Variants in MYCBP2 observed in about 807,000 individuals in gnomAD.
MYCBP2 encodes the protein MYC binding protein 2.
In MYCBP2, 120 loss-of-function variants were observed where a neutral mutation model predicts 525.3. The ratio of observed to expected loss-of-function variants is 0.23; its 90% CI spans 0.20 to 0.27. The LOEUF (loss-of-function observed/expected upper bound fraction) is 0.27, where lower values mean the gene tolerates loss of function less well. Among genes scored for constraint, MYCBP2 ranks in the 10% least tolerant of loss-of-function variants. The probability of loss-of-function intolerance (pLI) is 1.00; values close to 1 mark genes in which losing one functional copy is unlikely to be tolerated. For synonymous variants in MYCBP2, 1,894 were observed against 1,955.8 expected (o/e 0.97, Z 0.83); for missense variants, 4,149 against 5,657.1 (o/e 0.73, Z 8.55).
intron 39 of MYCBP2, among the ~76,000 whole-genome samples, chr13:77,169,294 G>C (rs1020168561): frequency 3.3e-5 from 5 of 151,778 alleles, no homozygotes; most frequent in African/African-American, 1.2e-4. Context: ...AACTCGGGAG[G>C]CTGAGGCAGG....
At chr13:77,139,978 T>C in intron 51 of MYCBP2, 69 bp downstream of exon 51, 1 of 1,006,306 alleles carries the variant, frequency 9.9e-7, no homozygotes, top group Non-Finnish European at 1.5e-6. Context: ...TCAGTAACCT[T>C]ATTATTATGC....
At chr13:77,178,326 A>G (rs1045958850) in intron 34 of MYCBP2, among the ~76,000 whole-genome samples, 1 of 152,232 alleles carries the variant, frequency 6.6e-6, no homozygotes, top group Non-Finnish European at 1.5e-5. Context: ...ACTATGCAAC[A>G]CAGAGCTCTA....
At chr13:77,093,037 A>T in intron 59 of MYCBP2, 128 bp downstream of exon 59, 1 of 840,040 alleles carries the variant, frequency 1.2e-6, no homozygotes, top group Non-Finnish European at 1.8e-6. Flanking sequence ...GCTTTTTCTT[A>T]CTGCTCCAGC....
intron 79 of MYCBP2, 93 bp downstream of exon 79, chr13:77,056,893 A>T: frequency 1.0e-6 from 1 of 960,060 alleles, no homozygotes. Context: ...GCTGGTGGGT[A>T]AAACCAAGAG....
intron 3 of MYCBP2, among the ~76,000 whole-genome samples, chr13:77,280,634 T>C (rs2076093757): frequency 6.6e-6 from 1 of 152,232 alleles, no homozygotes; most frequent in Admixed American, 6.5e-5. Flanking sequence ...AACGGAATTA[T>C]TGAACCTTGC....
rs1220914616 is a variant in MYCBP2 at position 77,263,811 on chromosome 13, C to T, written c.1432-22G>A. On this transcript the variant is annotated intron_variant, in intron 9 of 82. Transcript: ENST00000544440. ...CATCCTAAGAAAAATAAAACATCCA[C>T]AGCATTACATTACATAAAGAGGTCG... The T allele has an allele frequency of 3.7e-6, 6 of 1,612,538 alleles. No homozygotes were observed. The Admixed American group carries it at 6.7e-5, about 18-fold the overall frequency.
At chr13:77,050,666 A>T (rs2036601978) in intron 82 of MYCBP2, among the ~76,000 whole-genome samples, 1 of 151,690 alleles carries the variant, frequency 6.6e-6, no homozygotes, top group South Asian at 2.1e-4. Context: ...AAAAAAAAAA[A>T]TCACAGAATC....
chr13:77,315,796 G>C (rs1594870047), intron 1 of MYCBP2, among the ~76,000 whole-genome samples: 1 of 151,330 alleles, frequency 6.6e-6, no homozygotes, highest in East Asian at 1.9e-4. Flanking sequence ...TCAGGAAGCT[G>C]AGGCAGGAGA....
rs765534295 is a variant in MYCBP2 at position 77,270,320 on chromosome 13, G to A, written c.1164C>T (p.Gly388=). The A allele has an allele frequency of 1.9e-6, 3 of 1,612,952 alleles. No individual in the cohort carries two copies. The highest frequency in any genetic ancestry group is 2.5e-6 in the Non-Finnish European group (3 of 1,179,300). ...LLCKDGLYKI[G]SGYSGTVRGH... Reference sequence around the variant, plus strand: ...CCCTAACTGTTCCACTGTATCCAGAGCCTATTTTATATAATCCATCCTTGC... The same window carrying A: ...CCCTAACTGTTCCACTGTATCCAGAACCTATTTTATATAATCCATCCTTGC... The change falls in exon 6 of 83, where the codon GGC becomes GGT. Residue 388 remains glycine, a synonymous_variant. Coordinates refer to ENST00000544440, the MANE Select transcript of MYCBP2 (RefSeq NM_015057.5).
intron 14 of MYCBP2, among the ~76,000 whole-genome samples, chr13:77,257,347 C>T (rs528579257): frequency 3.3e-5 from 5 of 151,824 alleles, no homozygotes; most frequent in South Asian, 2.1e-4. Context: ...CTACAGTTGG[C>T]GATAATTTTT....
chr13:77,300,598 C>T (rs745741986), intron 1 of MYCBP2, among the ~76,000 whole-genome samples: 2 of 151,984 alleles, frequency 1.3e-5, no homozygotes, highest in Non-Finnish European at 2.9e-5. Context: ...TAAACAGGCC[C>T]ATATCAGAAA....
intron 18 of MYCBP2, among the ~76,000 whole-genome samples, chr13:77,227,351 A>G (rs1241133942): frequency 2.3e-4 from 35 of 151,862 alleles, no homozygotes; most frequent in Admixed American, 1.9e-3. Context: ...ACTAAAAAAA[A>G]AAAAAAAAAA....
Position 77,206,687 on chromosome 13 carries a change from G to A in MYCBP2, c.3555C>T (p.Leu1185=), listed in dbSNP as rs753000758. 1.1e-5 allele frequency: 17 copies of A among 1,607,520 alleles called. No homozygotes were observed. The East Asian group carries it at 2.2e-4, about 21-fold the overall frequency. Residue 1185 remains leucine (L), a synonymous_variant, in exon 24 of 83, where the codon CTC becomes CTT. Transcript: ENST00000544440. ...ELALPTGSRA[L]TTRSHAALHI... is the part of the protein sequence containing the mutation. ...GCAAAGCTGCATGAGATCGGGTAGT[G>A]AGGGCCCTTGATCCTGTTGGTAAGG...
At chr13:77,229,697 A>G (rs1253909245) in intron 18 of MYCBP2, among the ~76,000 whole-genome samples, 1 of 152,196 alleles carries the variant, frequency 6.6e-6, no homozygotes, top group Non-Finnish European at 1.5e-5. Flanking sequence ...TCTTGTTTTT[A>G]AAATAAGAAA....
chr13:77,099,635 T>C (rs2046765196), intron 55 of MYCBP2: 1 of 152,664 alleles, frequency 6.6e-6, no homozygotes, highest in Non-Finnish European at 1.5e-5. Context: ...TAATTATTTA[T>C]AAACAGGTTA....
chr13:77,260,185 C>T (rs1377811415), intron 13 of MYCBP2, among the ~76,000 whole-genome samples: 1 of 152,194 alleles, frequency 6.6e-6, no homozygotes, highest in Non-Finnish European at 1.5e-5. Context: ...CCACAGAAGT[C>T]ACAGCTACAG....
At chr13:77,176,754 T>C in intron 35 of MYCBP2, 126 bp from the exon 36 acceptor site, 1 of 797,956 alleles carries the variant, frequency 1.3e-6, no homozygotes, top group South Asian at 4.6e-5. Flanking sequence ...CATTAGTATT[T>C]TCCCATACAT....
chr13:77,192,849 C>G (rs2061413469), intron 27 of MYCBP2, among the ~76,000 whole-genome samples: 1 of 152,116 alleles, frequency 6.6e-6, no homozygotes, highest in Non-Finnish European at 1.5e-5. Flanking sequence ...CAAATGGCAG[C>G]CAGGCACAGT....
intron 24 of MYCBP2, 101 bp from the exon 25 acceptor site, chr13:77,205,699 T>C: frequency 1.0e-6 from 1 of 980,104 alleles, no homozygotes. Context: ...ATAAATAAAC[T>C]CAGAATGTTA....
Sources: gnomAD v4.1 joint callset for allele counts (sites outside exome capture counted in the v4.1 genomes callset) on GRCh38, gnomAD v4.1.1 for gene constraint, MANE v1.5 for transcripts, NCBI Gene and HGNC (gene_info 2026-07-23, HGNC 2026-07-21) for gene names.